MRTFB: variants seen among roughly 807,000 people sequenced by gnomAD.
MRTFB encodes the protein myocardin related transcription factor B, also known as myocardin-related transcription factor B.
Under a neutral mutation model 104.2 loss-of-function variants are expected in MRTFB, and 29 were observed. The observed-to-expected ratio is 0.28, with a 90% confidence interval of 0.21 to 0.38. MRTFB has a LOEUF of 0.38. MRTFB is among the 10% of genes least tolerant of loss of function. The pLI is 1.00. For missense variants in MRTFB, 1,270 were observed against 1,341.6 expected, an observed-to-expected ratio of 0.95 and a Z score of 0.83; for synonymous variants, 535 against 519.5, an observed-to-expected ratio of 1.03 and a Z score of -0.41.
chr16:14,048,210 G>A, the MRTFB span, among the ~76,000 whole-genome samples: 73 of 152,310 alleles, frequency 4.8e-4, 1 homozygote, highest in African/African-American at 1.7e-3. Context: ...TCTCACTGAT[G>A]CAAGAGGTGG....
At chr16:14,201,178 C>T (rs1302596448) in intron 3 of MRTFB, among the ~76,000 whole-genome samples, 2 of 152,142 alleles carry the variant, frequency 1.3e-5, no homozygotes, top group Non-Finnish European at 2.9e-5. Flanking sequence ...TATATGTTGG[C>T]ACTAGAAACA....
At chr16:14,243,864 G>GTTTTTTTTTTTTTTTTTTTT (rs56296807) in intron 10 of MRTFB, among the ~76,000 whole-genome samples, 1,666 of 124,246 alleles carry the variant, frequency 0.013, 123 homozygotes, top group East Asian at 0.029. Context: ...CCTGTTTTGG[G>GTTTTTTTTTTTTTTTTTTTT]TTTTTTTTTT....
At chr16:14,029,761 C>T in the MRTFB span, among the ~76,000 whole-genome samples, 1 of 152,128 alleles carries the variant, frequency 6.6e-6, no homozygotes, top group African/African-American at 2.4e-5. Flanking sequence ...CACTGTCCAG[C>T]TCTGAAGGCA....
the MRTFB span, among the ~76,000 whole-genome samples, chr16:14,040,582 C>T: frequency 1.3e-5 from 2 of 151,934 alleles, no homozygotes; most frequent in Admixed American, 6.6e-5. Context: ...CCTGCCTCAG[C>T]CTCCCGAGTA....
intron 2 of MRTFB, among the ~76,000 whole-genome samples, chr16:14,126,191 T>G (rs537873001): frequency 2.6e-5 from 4 of 151,262 alleles, no homozygotes; most frequent in Admixed American, 2.0e-4. Flanking sequence ...AGCCAGAGGG[T>G]TTTTTTTTCC....
chr16:14,227,951 T>TAAAAA (rs369511525), intron 8 of MRTFB, among the ~76,000 whole-genome samples: 6,928 of 134,306 alleles, frequency 0.052, 508 homozygotes, highest in African/African-American at 0.17. Flanking sequence ...CAGTCTATCT[T>TAAAAA]AAAAAAAAAA....
At chr16:14,041,653 G>A in the MRTFB span, among the ~76,000 whole-genome samples, 1 of 152,078 alleles carries the variant, frequency 6.6e-6, no homozygotes. Flanking sequence ...TTTGCCAGGC[G>A]TGGTGGCTGA....
upstream of MRTFB, among the ~76,000 whole-genome samples, chr16:14,067,854 CAG>C (rs2033539414): frequency 6.6e-6 from 1 of 152,036 alleles, no homozygotes; most frequent in African/African-American, 2.4e-5. Context: ...ATTTTTGAGA[CAG>C]AGTCTTGCTC....
intron 2 of MRTFB, among the ~76,000 whole-genome samples, chr16:14,094,168 C>T (rs2035236207): frequency 6.6e-6 from 1 of 152,140 alleles, no homozygotes; most frequent in Non-Finnish European, 1.5e-5. Context: ...CGGCTCACTC[C>T]TGTTGCACCA....
At chr16:14,246,387 A>G (rs1000423992) in intron 11 of MRTFB, 86 bp from the exon 12 acceptor site, 3 of 1,350,306 alleles carry the variant, frequency 2.2e-6, no homozygotes, top group Non-Finnish European at 3.1e-6. Flanking sequence ...TCTGACAGAC[A>G]TAGGCACCTT....
chr16:14,049,103 C>T, the MRTFB span, among the ~76,000 whole-genome samples: 1 of 152,176 alleles, frequency 6.6e-6, no homozygotes, highest in African/African-American at 2.4e-5. Context: ...CTACTGGCGT[C>T]TAGTGGGTAG....
At chr16:13,995,299 G>T in the MRTFB span, among the ~76,000 whole-genome samples, 1 of 152,134 alleles carries the variant, frequency 6.6e-6, no homozygotes, top group Non-Finnish European at 1.5e-5. Flanking sequence ...CTGAGATGCT[G>T]TTTTGTTTTG....
chr16:14,241,025 G>C, intron 10 of MRTFB: 1 of 499,854 alleles, frequency 2.0e-6, no homozygotes, highest in Non-Finnish European at 3.5e-6. Context: ...CAAAGAATCT[G>C]ATTAATTTTT....
chr16:14,174,091 G>A (rs576094779), intron 3 of MRTFB, among the ~76,000 whole-genome samples: 1 of 150,186 alleles, frequency 6.7e-6, no homozygotes, highest in South Asian at 2.2e-4. Context: ...AATTTTTTTT[G>A]AGGATTCTAT....
At chr16:14,216,911 T>C (rs1280584699) in intron 6 of MRTFB, among the ~76,000 whole-genome samples, 1 of 152,190 alleles carries the variant, frequency 6.6e-6, no homozygotes, top group Non-Finnish European at 1.5e-5. Context: ...TCTGTGGGCA[T>C]CCAAATTACA....
chr16:14,246,698 A>T lies in MRTFB; in HGVS notation c.1438A>T (p.Thr480Ser). The change falls in exon 12 of 17, where the codon ACT (threonine) becomes TCT (serine). Residue 480 changes from threonine (T) to serine (S), a missense_variant. This residue lies in a region of MRTFB where 1,144 missense variants were observed against 1,131.5 expected (regional missense o/e 1.01). Coordinates refer to ENST00000571589, the MANE Select transcript of MRTFB (RefSeq NM_001308142.2). The stretch of plus-strand genomic sequence containing the variant: ...CAACACTGTGACTAGCTCAGTCTCT[A>T]CTCTCAAGGCAGAATTGCCACCTAC... ...LHNTVTSSVS[T>S]LKAELPPTGT... 3 of 1,614,058 alleles carry T rather than the reference A, an allele frequency of 1.9e-6. No individual in the cohort carries two copies. The highest frequency in any genetic ancestry group is 2.5e-6 in the Non-Finnish European group (3 of 1,180,014).
the MRTFB span, among the ~76,000 whole-genome samples, chr16:14,056,693 T>C: frequency 6.6e-6 from 1 of 152,112 alleles, no homozygotes; most frequent in East Asian, 1.9e-4. Flanking sequence ...GCTGCTGGAG[T>C]CTCTCAGTGT....
intron 2 of MRTFB, among the ~76,000 whole-genome samples, chr16:14,095,403 G>C (rs1307817546): frequency 6.6e-6 from 1 of 152,178 alleles, no homozygotes; most frequent in African/African-American, 2.4e-5. Flanking sequence ...ACTTAAGCTT[G>C]TTAACACTCT....
chr16:14,036,186 A>C, the MRTFB span, among the ~76,000 whole-genome samples: 1 of 122,620 alleles, frequency 8.2e-6, no homozygotes, highest in East Asian at 2.2e-4. Context: ...ATATTATATA[A>C]AATACATTAT....
Sources: allele counts gnomAD v4.1 joint callset (sites outside exome capture counted in the v4.1 genomes callset), GRCh38; gene constraint gnomAD v4.1.1; regional missense constraint gnomAD v4.1.1; transcripts MANE v1.5; gene names NCBI Gene and HGNC (gene_info 2026-07-23, HGNC 2026-07-21).